SYTL3: variants seen among roughly 807,000 people sequenced by gnomAD.
SYTL3 encodes synaptotagmin-like protein 3.
In SYTL3, 88 loss-of-function variants were observed where a neutral mutation model predicts 82.1. The observed-to-expected ratio is 1.07, with a 90% CI of 0.90 to 1.28. The LOEUF (loss-of-function observed/expected upper bound fraction) is 1.28, where lower values mean the gene tolerates loss of function less well. Among genes scored for constraint, SYTL3 ranks in the 50% most tolerant of loss-of-function variants. The pLI is 0.00. For missense variants in SYTL3, 831 were observed against 757.6 expected (o/e 1.10, Z -1.14); for synonymous variants, 311 against 289.4 (o/e 1.07, Z -0.76).
chr6:158,665,525 C>CG lies in SYTL3; in HGVS notation c.245dup (p.Cys83LeufsTer40). Reference sequence around the variant, plus strand: ...CCTGCTGCACCGGGGCGCCGTGTGCCGGGGCTGCAGCCACCGCGTGTGTGC... The same window carrying CG: ...CCTGCTGCACCGGGGCGCCGTGTGCCGGGGGCTGCAGCCACCGCGTGTGTGC... On this transcript the variant is annotated frameshift_variant, in exon 5 of 18. Transcript: ENST00000611299. LOFTEE classifies it high-confidence loss of function. 1 of 1,591,938 alleles carries CG rather than the reference C, an allele frequency of 6.3e-7. No individual in the cohort carries two copies. The highest frequency in any genetic ancestry group is 8.5e-7 in the Non-Finnish European group (1 of 1,170,030).
intron 7 of SYTL3, 75 bp from the exon 8 acceptor site, chr6:158,708,247 C>T: frequency 1.6e-6 from 2 of 1,265,100 alleles, no homozygotes; most frequent in Non-Finnish European, 2.3e-6. Flanking sequence ...AATAATGGCA[C>T]ATTTTGTGTA....
chr6:158,762,147 C>A lies in SYTL3; in HGVS notation c.1486C>A (p.Pro496Thr). Residue 496 changes from proline to threonine, a missense_variant, in exon 16 of 18, where the codon CCA (proline) becomes ACA (threonine). Transcript: ENST00000611299. ...VLGAKNLPVR[P>T]DGTLNSFVKG... ...AGGAGCCAAGAATTTACCTGTGCGG[C>A]CAGATGGCACCTTGAACTCATTTGT... 6.2e-7 allele frequency: 1 copy of A among 1,613,632 alleles called. No homozygotes were observed. The highest frequency in any genetic ancestry group is 8.5e-7 in the Non-Finnish European group (1 of 1,179,826).
intron 8 of SYTL3, among the ~76,000 whole-genome samples, chr6:158,713,509 CA>C (rs1341750008): frequency 6.6e-6 from 1 of 152,140 alleles, no homozygotes; most frequent in Non-Finnish European, 1.5e-5. Context: ...CATCATTTCC[CA>C]GGGGTACTTG....
At chr6:158,694,363 T>C (rs1380035669) in intron 6 of SYTL3, among the ~76,000 whole-genome samples, 2 of 152,024 alleles carry the variant, frequency 1.3e-5, no homozygotes, top group Non-Finnish European at 2.9e-5. Flanking sequence ...TGGAGTGATA[T>C]TGGCTCGCTG....
chr6:158,760,779 T>C, intron 15 of SYTL3, 34 bp downstream of exon 15: 2 of 1,538,172 alleles, frequency 1.3e-6, no homozygotes, highest in Non-Finnish European at 9.0e-7. Flanking sequence ...ACATTGTCTG[T>C]GTCATTGTCT....
At chr6:158,658,647 A>G (rs1788991772) in intron 2 of SYTL3, among the ~76,000 whole-genome samples, 1 of 152,180 alleles carries the variant, frequency 6.6e-6, no homozygotes, top group Admixed American at 6.5e-5. Flanking sequence ...TACGTCGGCC[A>G]GGCGCGGTAG....
intron 10 of SYTL3, among the ~76,000 whole-genome samples, chr6:158,721,605 GA>G (rs760233316): frequency 6.6e-6 from 1 of 151,956 alleles, no homozygotes; most frequent in Non-Finnish European, 1.5e-5. Context: ...CTATTGGGTT[GA>G]AATATAAGGA....
chr6:158,670,841 C>G (rs962796998), intron 5 of SYTL3, among the ~76,000 whole-genome samples: 1 of 150,796 alleles, frequency 6.6e-6, no homozygotes, highest in South Asian at 2.1e-4. Flanking sequence ...CTCGCTCTGT[C>G]GCCCAGGCTG....
chr6:158,728,270 T>C (rs1055603118), intron 11 of SYTL3, among the ~76,000 whole-genome samples: 21 of 152,004 alleles, frequency 1.4e-4, no homozygotes, highest in African/African-American at 4.6e-4. Flanking sequence ...TGTGAGTGAA[T>C]GGTGTAAGGT....
At chr6:158,700,606 T>TA (rs1554253453) in intron 6 of SYTL3, among the ~76,000 whole-genome samples, 2 of 151,826 alleles carry the variant, frequency 1.3e-5, no homozygotes, top group African/African-American at 2.4e-5. Flanking sequence ...GCTACTGATG[T>TA]TGTATGTATG....
chr6:158,653,632 G>A (rs974649939), intron 2 of SYTL3, among the ~76,000 whole-genome samples: 12 of 152,238 alleles, frequency 7.9e-5, no homozygotes, highest in Non-Finnish European at 4.4e-5. Flanking sequence ...GCTGCACGCT[G>A]AAGCTGTGAA....
chr6:158,756,199 A>G (rs1484305930), intron 13 of SYTL3, among the ~76,000 whole-genome samples: 1 of 152,170 alleles, frequency 6.6e-6, no homozygotes, highest in Admixed American at 6.5e-5. Flanking sequence ...TCTAGTCTCT[A>G]TGGGGCAGAA....
At chr6:158,673,173 C>T (rs903001027) in intron 5 of SYTL3, among the ~76,000 whole-genome samples, 1 of 152,152 alleles carries the variant, frequency 6.6e-6, no homozygotes, top group African/African-American at 2.4e-5. Flanking sequence ...AGTGACCCTC[C>T]TGCCTTGGCC....
intron 3 of SYTL3, among the ~76,000 whole-genome samples, chr6:158,661,769 T>A (rs1017556062): frequency 5.9e-5 from 9 of 152,192 alleles, no homozygotes; most frequent in Admixed American, 3.3e-4. Flanking sequence ...CCAACAGAAA[T>A]CACAGATATT....
intron 13 of SYTL3, among the ~76,000 whole-genome samples, chr6:158,756,635 C>G (rs750915859): frequency 6.6e-6 from 1 of 150,656 alleles, no homozygotes; most frequent in Non-Finnish European, 1.5e-5. Context: ...TCGCTTGAAC[C>G]CAGGAGGCAG....
At chr6:158,685,854 G>C (rs1290238604) in intron 6 of SYTL3, among the ~76,000 whole-genome samples, 1 of 152,114 alleles carries the variant, frequency 6.6e-6, no homozygotes, top group Non-Finnish European at 1.5e-5. Flanking sequence ...AAACCTTTTT[G>C]TTGGTGGGCT....
At chr6:158,694,383 C>T (rs888713060) in intron 6 of SYTL3, among the ~76,000 whole-genome samples, 5 of 151,940 alleles carry the variant, frequency 3.3e-5, no homozygotes, top group African/African-American at 4.8e-5. Context: ...GCAACCTCCG[C>T]CTCCTAGGAT....
At chr6:158,697,006 ACTTTTTT>A (rs1562387943) in intron 6 of SYTL3, among the ~76,000 whole-genome samples, 1 of 151,744 alleles carries the variant, frequency 6.6e-6, no homozygotes, top group African/African-American at 2.4e-5. Context: ...TTCTTAGCCA[ACTTTTTT>A]CTTAGTTACC....
At chr6:158,653,145 G>A (rs1301715323) in intron 2 of SYTL3, among the ~76,000 whole-genome samples, 1 of 152,146 alleles carries the variant, frequency 6.6e-6, no homozygotes, top group Non-Finnish European at 1.5e-5. Context: ...TATGAATAGG[G>A]AACTGAGCTG....
Sources: allele counts gnomAD v4.1 joint callset (sites outside exome capture counted in the v4.1 genomes callset), GRCh38; gene constraint gnomAD v4.1.1; transcripts MANE v1.5; gene names NCBI Gene and HGNC (gene_info 2026-07-23, HGNC 2026-07-21).